Variants in SNX24 observed in about 807,000 individuals in gnomAD.
The protein encoded by SNX24 is sorting nexin-24.
In SNX24, 22 loss-of-function variants were observed where a neutral mutation model predicts 28.7. The ratio of observed to expected loss-of-function variants is 0.77; its 90% CI spans 0.55 to 1.10. SNX24 has a LOEUF of 1.10. Among genes scored for constraint, SNX24 ranks in the 50% least tolerant of loss-of-function variants. The pLI, the probability that SNX24 is intolerant of heterozygous loss-of-function variation, is 0.00. For missense variants in SNX24, 221 were observed against 201.1 expected, an observed-to-expected ratio of 1.10 and a Z score of -0.60; for synonymous variants, 69 against 71.5, an observed-to-expected ratio of 0.96 and a Z score of 0.18.
At chr5:123,026,740 G>A (rs1294380337) in intron 5 of SNX24, among the ~76,000 whole-genome samples, 3 of 152,204 alleles carry the variant, frequency 2.0e-5, no homozygotes, top group Non-Finnish European at 4.4e-5. Flanking sequence ...GAAGTCTGGA[G>A]TTCTAGCAAA....
At chr5:122,884,664 A>G (rs1028285823) in intron 1 of SNX24, among the ~76,000 whole-genome samples, 16 of 152,170 alleles carry the variant, frequency 1.1e-4, no homozygotes, top group African/African-American at 3.9e-4. Flanking sequence ...AGAATAAGCA[A>G]TAGAGACTGT....
At chr5:122,899,509 A>G (rs1308493548) in intron 1 of SNX24, among the ~76,000 whole-genome samples, 1 of 152,156 alleles carries the variant, frequency 6.6e-6, no homozygotes, top group Non-Finnish European at 1.5e-5. Context: ...CGCAGGCTCC[A>G]TCTGTCCTCC....
intron 1 of SNX24, among the ~76,000 whole-genome samples, chr5:122,895,181 TA>T (rs535346156): frequency 5.9e-5 from 9 of 151,894 alleles, no homozygotes. Flanking sequence ...TATTCATGGT[TA>T]AAAAAATTAA....
chr5:122,865,447 C>G (rs1044206591), intron 1 of SNX24, among the ~76,000 whole-genome samples: 3 of 152,228 alleles, frequency 2.0e-5, no homozygotes, highest in Non-Finnish European at 4.4e-5. Context: ...TCTCGTGCCT[C>G]AGCCTCCTGA....
At chr5:122,981,740 C>T (rs906681428) in intron 3 of SNX24, among the ~76,000 whole-genome samples, 2 of 152,202 alleles carry the variant, frequency 1.3e-5, no homozygotes, top group African/African-American at 2.4e-5. Flanking sequence ...TGCAGTGGCA[C>T]GATCTCTGCT....
At chr5:122,850,697 T>C (rs375099394) in intron 1 of SNX24, among the ~76,000 whole-genome samples, 2 of 151,672 alleles carry the variant, frequency 1.3e-5, no homozygotes, top group Middle Eastern at 3.2e-3. Flanking sequence ...ACTGAGTTTT[T>C]GGTGATGGGT....
intron 5 of SNX24, among the ~76,000 whole-genome samples, chr5:123,018,471 C>T (rs1178702215): frequency 1.3e-5 from 2 of 152,092 alleles, no homozygotes; most frequent in East Asian, 1.9e-4. Context: ...GGACAAATGG[C>T]GGCTGTAGTT....
intron 1 of SNX24, among the ~76,000 whole-genome samples, chr5:122,926,826 T>A (rs1409784140): frequency 6.6e-6 from 1 of 152,162 alleles, no homozygotes; most frequent in Non-Finnish European, 1.5e-5. Flanking sequence ...AATCCAGGCC[T>A]ATGAATGGGC....
chr5:123,014,452 G>T (rs146651176), intron 5 of SNX24, among the ~76,000 whole-genome samples: 1 of 148,192 alleles, frequency 6.7e-6, no homozygotes, highest in African/African-American at 2.5e-5. Flanking sequence ...AAAGTGCTGG[G>T]ATTATAGTTG....
chr5:123,023,611 C>T (rs1762796304), intron 5 of SNX24: 1 of 282,824 alleles, frequency 3.5e-6, no homozygotes, highest in Admixed American at 5.5e-5. Flanking sequence ...ATAGCCAATT[C>T]AAAGTTTTTT....
In SNX24 at chr5:123,002,017, G is replaced by A; in HGVS notation, c.442+13G>A. 1 of 1,606,554 alleles carries A rather than the reference G, an allele frequency of 6.2e-7. No homozygotes were observed. On this transcript the variant is annotated intron_variant, in intron 6 of 6. Transcript: ENST00000261369. The stretch of plus-strand genomic sequence containing the variant: ...CCTGCAGCCAGCGGTAATCAAACCT[G>A]TCATCTGCTAACAGCTCTTTACTGA...
chr5:122,970,626 G>A (rs1259349082), intron 3 of SNX24, among the ~76,000 whole-genome samples: 4 of 152,040 alleles, frequency 2.6e-5, no homozygotes, highest in Non-Finnish European at 4.4e-5. Context: ...CCGCCACCCC[G>A]CCCGGCTAAT....
intron 1 of SNX24, among the ~76,000 whole-genome samples, chr5:122,851,856 C>T (rs1031379098): frequency 2.0e-5 from 3 of 151,926 alleles, no homozygotes; most frequent in Non-Finnish European, 2.9e-5. Context: ...AAATTCAAAA[C>T]AATTTTATCT....
At chr5:123,018,689 A>T (rs558175954) in intron 5 of SNX24, among the ~76,000 whole-genome samples, 8 of 149,938 alleles carry the variant, frequency 5.3e-5, no homozygotes, top group African/African-American at 2.0e-4. Flanking sequence ...TAGGGTGGGA[A>T]TTTTTTTTTT....
At chr5:122,864,126 G>A (rs1282775236) in intron 1 of SNX24, among the ~76,000 whole-genome samples, 1 of 149,976 alleles carries the variant, frequency 6.7e-6, no homozygotes, top group African/African-American at 2.5e-5. Context: ...TTTTAGTGTG[G>A]AGAATAAACT....
Position 122,978,771 on chromosome 5 carries a change from C to A in SNX24, c.250-21141C>A, listed in dbSNP as rs115590604. ...TTGTTTTTAGAAGAAAAACTGAGTT[C>A]ACCTGAAACATGAATACATTGAAAA... On this transcript the variant is annotated intron_variant, in intron 3 of 6. Transcript: ENST00000261369. Among the ~76,000 whole-genome samples, 445 of 152,256 alleles carry A rather than the reference C, an allele frequency of 2.9e-3. 4 individuals carry two copies. The highest frequency in any genetic ancestry group is 1.0e-2 in the African/African-American group (415 of 41,556).
At chr5:122,963,062 C>A (rs780105047) in intron 3 of SNX24, among the ~76,000 whole-genome samples, 1 of 152,118 alleles carries the variant, frequency 6.6e-6, no homozygotes, top group African/African-American at 2.4e-5. Flanking sequence ...AGTGAAACCT[C>A]GTCTCTGCTA....
intron 3 of SNX24, among the ~76,000 whole-genome samples, chr5:122,994,664 C>T (rs532599599): frequency 1.3e-5 from 2 of 152,318 alleles, no homozygotes; most frequent in East Asian, 3.9e-4. Flanking sequence ...AAACATTGAG[C>T]TTACAGGGGC....
At chr5:122,891,849 T>C (rs932271649) in intron 1 of SNX24, among the ~76,000 whole-genome samples, 3 of 152,214 alleles carry the variant, frequency 2.0e-5, no homozygotes, top group African/African-American at 7.2e-5. Flanking sequence ...TATTGACTTG[T>C]GAGCAAACAT....
Sources: allele counts gnomAD v4.1 joint callset (sites outside exome capture counted in the v4.1 genomes callset), GRCh38; gene constraint gnomAD v4.1.1; transcripts MANE v1.5; gene names NCBI Gene and HGNC (gene_info 2026-07-23, HGNC 2026-07-21).